KCNAB1: variants seen among roughly 807,000 people sequenced by gnomAD.
KCNAB1 encodes the protein potassium voltage-gated channel subfamily A regulatory beta subunit 1.
KCNAB1 carries 35 observed loss-of-function variants against 64.6 expected under a neutral mutation model. That is an observed-to-expected ratio of 0.54 (90% CI 0.41 to 0.72). KCNAB1 has a LOEUF of 0.72. Ranked by LOEUF, KCNAB1 falls within the 30% of genes least tolerant of loss-of-function variation. KCNAB1 has a pLI of 0.00. For missense variants in KCNAB1, 401 were observed against 512.9 expected (o/e 0.78, Z 2.11); for synonymous variants, 177 against 183.8 (o/e 0.96, Z 0.30).
chr3:156,332,922 T>C (rs1318909724), intron 1 of KCNAB1, among the ~76,000 whole-genome samples: 1 of 152,224 alleles, frequency 6.6e-6, no homozygotes, highest in Non-Finnish European at 1.5e-5. Context: ...GAAGCTTAAA[T>C]GTGAAACTGT....
chr3:156,408,569 C>A (rs370779187), intron 1 of KCNAB1, among the ~76,000 whole-genome samples: 2 of 152,260 alleles, frequency 1.3e-5, no homozygotes, highest in African/African-American at 4.8e-5. Flanking sequence ...CACTTGAGGT[C>A]AAGAGTTCGA....
chr3:156,278,599 G>A (rs937101238), intron 1 of KCNAB1, among the ~76,000 whole-genome samples: 15 of 152,102 alleles, frequency 9.9e-5, no homozygotes, highest in Non-Finnish European at 1.6e-4. Flanking sequence ...TAAAATGAGA[G>A]TTCGTAATGT....
At chr3:156,345,741 G>T (rs988589143) in intron 1 of KCNAB1, among the ~76,000 whole-genome samples, 9 of 152,320 alleles carry the variant, frequency 5.9e-5, no homozygotes, top group East Asian at 3.9e-4. Flanking sequence ...GAAGTACAGT[G>T]TTTGAATATT....
intron 1 of KCNAB1, among the ~76,000 whole-genome samples, chr3:156,210,201 C>G (rs751163472): frequency 2.6e-5 from 4 of 152,160 alleles, no homozygotes; most frequent in Non-Finnish European, 5.9e-5. Context: ...CCAGGAATGC[C>G]TCTGCCTCCC....
In KCNAB1 at chr3:156,157,409, T is replaced by G. The variant is rs143994146; in HGVS notation, c.275+36523T>G. 3.1e-3 allele frequency among the ~76,000 whole-genome samples: 471 copies of G among 152,278 alleles called. 2 individuals are homozygous for G. Among genetic ancestry groups the G allele is most frequent in the African/African-American group, 0.011 (440 of 41,556 alleles). ...AAGGTTTTCCACAAATGATGATACT[T>G]ATAAAGCTGGATTATTAAAAATAAT... On this transcript the variant is annotated intron_variant, in intron 1 of 13. Coordinates refer to ENST00000490337, the MANE Select transcript of KCNAB1 (RefSeq NM_172160.3).
chr3:156,448,467 C>T (rs764632797), intron 2 of KCNAB1, among the ~76,000 whole-genome samples: 27 of 152,278 alleles, frequency 1.8e-4, no homozygotes, highest in Non-Finnish European at 2.9e-4. Flanking sequence ...GCTGTTGCCC[C>T]GTTCCTCTCC....
intron 1 of KCNAB1, among the ~76,000 whole-genome samples, chr3:156,325,180 C>T (rs889864980): frequency 6.6e-6 from 1 of 152,092 alleles, no homozygotes; most frequent in Non-Finnish European, 1.5e-5. Flanking sequence ...ATGAGAAAAT[C>T]AAGGTTCAGA....
chr3:156,427,896 G>A (rs1231249538), intron 2 of KCNAB1, among the ~76,000 whole-genome samples: 1 of 152,182 alleles, frequency 6.6e-6, no homozygotes. Flanking sequence ...CTCACATTAG[G>A]AGCAGTAGGC....
intron 1 of KCNAB1, among the ~76,000 whole-genome samples, chr3:156,332,046 A>C (rs147244954): frequency 9.9e-4 from 151 of 152,312 alleles, no homozygotes; most frequent in African/African-American, 3.5e-3. Context: ...AGTTCATCAC[A>C]TGTGAATATC....
At chr3:156,245,275 T>C (rs1717384621) in intron 1 of KCNAB1, among the ~76,000 whole-genome samples, 1 of 152,232 alleles carries the variant, frequency 6.6e-6, no homozygotes, top group Non-Finnish European at 1.5e-5. Flanking sequence ...TTTTTCTTCC[T>C]ATTTTTACAG....
At chr3:156,361,384 C>T (rs188476099) in intron 1 of KCNAB1, among the ~76,000 whole-genome samples, 7 of 152,264 alleles carry the variant, frequency 4.6e-5, no homozygotes, top group Admixed American at 4.6e-4. Flanking sequence ...CATTCCTACT[C>T]CACATACCCC....
intron 13 of KCNAB1, among the ~76,000 whole-genome samples, chr3:156,532,648 C>T (rs1718782557): frequency 6.6e-6 from 1 of 152,188 alleles, no homozygotes; most frequent in Non-Finnish European, 1.5e-5. Flanking sequence ...ATTCCCCCAA[C>T]CTTTCTTAGG....
At chr3:156,136,267 A>G (rs1714341059) in intron 1 of KCNAB1, among the ~76,000 whole-genome samples, 1 of 152,218 alleles carries the variant, frequency 6.6e-6, no homozygotes, top group Non-Finnish European at 1.5e-5. Context: ...CATCAAATAC[A>G]ATATTTCTTA....
intron 2 of KCNAB1, among the ~76,000 whole-genome samples, chr3:156,446,582 A>G (rs1711575973): frequency 6.6e-6 from 1 of 152,194 alleles, no homozygotes. Context: ...TTAAATCTAT[A>G]TTGAAATGTG....
chr3:156,211,613 C>T (rs895970070), intron 1 of KCNAB1, among the ~76,000 whole-genome samples: 12 of 152,194 alleles, frequency 7.9e-5, no homozygotes, highest in Admixed American at 3.3e-4. Context: ...CAGTTTGTTC[C>T]TTGCTATCAT....
chr3:156,470,070 G>A (rs1417149678), intron 7 of KCNAB1, among the ~76,000 whole-genome samples: 2 of 152,198 alleles, frequency 1.3e-5, no homozygotes, highest in Non-Finnish European at 2.9e-5. Context: ...AGCCACCTGA[G>A]TTAGTTTACA....
intron 1 of KCNAB1, among the ~76,000 whole-genome samples, chr3:156,227,250 C>T (rs546264446): frequency 1.3e-5 from 2 of 152,162 alleles, no homozygotes; most frequent in Admixed American, 6.5e-5. Flanking sequence ...ACTTTTACAA[C>T]GTGAACTCCT....
intron 12 of KCNAB1, among the ~76,000 whole-genome samples, chr3:156,526,492 A>G (rs369565987): frequency 3.9e-5 from 6 of 152,226 alleles, no homozygotes; most frequent in East Asian, 1.9e-4. Flanking sequence ...TTTTCTACAA[A>G]TCTTCAAAAT....
chr3:156,190,573 C>T (rs976322470), intron 1 of KCNAB1, among the ~76,000 whole-genome samples: 14 of 152,346 alleles, frequency 9.2e-5, no homozygotes, highest in African/African-American at 3.1e-4. Flanking sequence ...AATCACTAAA[C>T]TTCCTTGAGC....
Sources: allele counts gnomAD v4.1 joint callset (sites outside exome capture counted in the v4.1 genomes callset), GRCh38; gene constraint gnomAD v4.1.1; transcripts MANE v1.5; gene names NCBI Gene and HGNC (gene_info 2026-07-23, HGNC 2026-07-21).